The following CCDC158 variants were observed in gnomAD, a reference collection of about 807,000 sequenced individuals.
CCDC158 encodes coiled-coil domain containing 158.
A neutral mutation model predicts 138.6 loss-of-function variants in CCDC158; 116 were observed. The observed-to-expected ratio is 0.84, with a 90% CI of 0.72 to 0.98. The LOEUF is 0.98. CCDC158 is among the 50% of genes least tolerant of loss of function. CCDC158 has a pLI of 0.00. For missense variants in CCDC158, 1,265 were observed against 1,306.1 expected (o/e 0.97, Z 0.48); for synonymous variants, 436 against 442.4 (o/e 0.99, Z 0.18).
chr4:76,390,528 A>C (rs1030874992), intron 4 of CCDC158, among the ~76,000 whole-genome samples: 19 of 151,986 alleles, frequency 1.3e-4, no homozygotes, highest in Admixed American at 3.3e-4. Context: ...GAGAAAAATC[A>C]CCTTCACTAG....
chr4:76,336,652 A>G (rs1721539096), intron 18 of CCDC158, among the ~76,000 whole-genome samples: 1 of 152,168 alleles, frequency 6.6e-6, no homozygotes, highest in Non-Finnish European at 1.5e-5. Context: ...CACAGTTCTA[A>G]CACCTGGGGT....
At chr4:76,350,693 C>A (rs1237557727) in intron 18 of CCDC158, among the ~76,000 whole-genome samples, 3 of 152,100 alleles carry the variant, frequency 2.0e-5, no homozygotes, top group Admixed American at 6.6e-5. Flanking sequence ...AAATATACCA[C>A]CAACTTGCCT....
At chr4:76,361,072 C>T (rs949007615) in intron 13 of CCDC158, among the ~76,000 whole-genome samples, 5 of 152,060 alleles carry the variant, frequency 3.3e-5, no homozygotes, top group African/African-American at 4.8e-5. Context: ...AGTTCTCATG[C>T]GATCTGGTTG....
intron 9 of CCDC158, among the ~76,000 whole-genome samples, chr4:76,372,007 A>G (rs1273217426): frequency 2.0e-5 from 3 of 149,860 alleles, no homozygotes; most frequent in South Asian, 2.1e-4. Context: ...AAGAAAATCT[A>G]TGCTGAGTTT....
chr4:76,417,614 C>T (rs564090170), intron 1 of CCDC158, among the ~76,000 whole-genome samples: 1 of 152,212 alleles, frequency 6.6e-6, no homozygotes, highest in Admixed American at 6.5e-5. Context: ...TTGCCTCCCA[C>T]CATGATTCTG....
chr4:76,405,120 A>G (rs1298427795), intron 2 of CCDC158, among the ~76,000 whole-genome samples: 1 of 152,154 alleles, frequency 6.6e-6, no homozygotes, highest in Non-Finnish European at 1.5e-5. Flanking sequence ...CTTTAAAGAT[A>G]ATGAAAAAAT....
intron 23 of CCDC158, among the ~76,000 whole-genome samples, chr4:76,323,904 A>G (rs1432483858): frequency 1.3e-5 from 2 of 152,330 alleles, no homozygotes; most frequent in East Asian, 1.9e-4. Flanking sequence ...ATGGATGCCA[A>G]CATGATCACA....
intron 4 of CCDC158, among the ~76,000 whole-genome samples, chr4:76,393,758 A>G (rs1368610039): frequency 2.0e-5 from 3 of 152,164 alleles, no homozygotes; most frequent in African/African-American, 7.2e-5. Flanking sequence ...ACCAGAATAT[A>G]TAAGGAGCTC....
chr4:76,330,213 G>A lies in CCDC158; in HGVS notation c.2942+1131C>T, dbSNP rs375978015. On this transcript the variant is annotated intron_variant, in intron 21 of 24. Transcript: ENST00000682701. ...GGCAGTAAGCAGTGGTCATAAACAC[G>A]GGCTCAGGAGCCAGCTAAACCTGAG... is the stretch of plus-strand genomic sequence containing the variant. Among the ~76,000 whole-genome samples the A allele has an allele frequency of 1.3e-4, 20 of 152,062 alleles. No homozygotes were observed. The East Asian group carries it at 2.9e-3, about 22-fold the overall frequency.
At chr4:76,391,563 C>T (rs1416698375) in intron 4 of CCDC158, among the ~76,000 whole-genome samples, 2 of 151,550 alleles carry the variant, frequency 1.3e-5, no homozygotes, top group South Asian at 2.1e-4. Context: ...TATTAAGTGC[C>T]TACTTCAAAA....
intron 9 of CCDC158, 126 bp downstream of exon 9, chr4:76,379,164 C>T: frequency 2.2e-6 from 1 of 454,896 alleles, no homozygotes; most frequent in Non-Finnish European, 3.9e-6. Flanking sequence ...GCTCTTACTC[C>T]AGCTTATAAA....
At chr4:76,350,005 G>C (rs1464093669) in intron 18 of CCDC158, among the ~76,000 whole-genome samples, 3 of 152,188 alleles carry the variant, frequency 2.0e-5, no homozygotes, top group South Asian at 2.1e-4. Context: ...CTTTGTTGTT[G>C]CTTGATGTGC....
At chr4:76,336,420 C>T (rs1721514946) in intron 18 of CCDC158, among the ~76,000 whole-genome samples, 1 of 152,040 alleles carries the variant, frequency 6.6e-6, no homozygotes, top group South Asian at 2.1e-4. Context: ...GGGTATAAAA[C>T]CACAAAAATA....
Position 76,396,478 on chromosome 4 carries a change from T to C in CCDC158, c.79A>G (p.Ser27Gly), listed in dbSNP as rs1005114361. 3.8e-6 allele frequency: 6 copies of C among 1,599,524 alleles called. No individual in the cohort carries two copies. The highest frequency in any genetic ancestry group is 2.2e-5 in the East Asian group (1 of 44,788). Residue 27 changes from serine to glycine, a missense_variant, in exon 4 of 25, where the codon AGT (serine) becomes GGT (glycine). Physicochemically the swap from Ser to Gly is moderately conservative, Grantham distance 56. Transcript: ENST00000682701. ...CGAATAGATGACACAAAAAATGAAC[T>C]TGAAGAACCTAAATATTAAAGAATT... ...SGVTSNGGSSSSFFVSSIRGT... is the reference protein window; with the variant it reads ...SGVTSNGGSSGSFFVSSIRGT...
intron 3 of CCDC158, among the ~76,000 whole-genome samples, chr4:76,399,590 A>G (rs28368351): frequency 0.029 from 4,457 of 152,288 alleles, 219 homozygotes; most frequent in African/African-American, 0.1. Flanking sequence ...CTGTAAGATA[A>G]TAGCTTGTAG....
At chr4:76,330,946 C>T (rs1720952365) in intron 21 of CCDC158, among the ~76,000 whole-genome samples, 1 of 152,132 alleles carries the variant, frequency 6.6e-6, no homozygotes, top group Non-Finnish European at 1.5e-5. Flanking sequence ...ATACTATCTT[C>T]ATCCATTCAC....
chr4:76,403,177 C>T lies in CCDC158; in HGVS notation c.31G>A (p.Glu11Lys), dbSNP rs1272046594. Residue 11 changes from glutamate to lysine, a missense_variant, in exon 3 of 25, where the codon GAA (glutamate) becomes AAA (lysine). Physicochemically the swap from Glu to Lys is moderately conservative, Grantham distance 56. Coordinates refer to ENST00000682701, the MANE Select transcript of CCDC158 (RefSeq NM_001394954.1). The part of the protein sequence containing the change: MESKAWESNN[E>K]DLLSSSGVTS... Reference sequence around the variant, plus strand: ...ACACCACTACTTGATAAAAGATCTTCATTATTTGATTCCCAAGCTTTTGAT... The same window carrying T: ...ACACCACTACTTGATAAAAGATCTTTATTATTTGATTCCCAAGCTTTTGAT... 6.2e-7 allele frequency: 1 copy of T among 1,606,998 alleles called. No individual in the cohort carries two copies. Among genetic ancestry groups the T allele is most frequent in the African/African-American group, 1.3e-5 (1 of 74,642 alleles).
chr4:76,344,233 A>G (rs1237148422), intron 18 of CCDC158, among the ~76,000 whole-genome samples: 2 of 152,244 alleles, frequency 1.3e-5, no homozygotes, highest in Non-Finnish European at 2.9e-5. Flanking sequence ...GAGCCAAATC[A>G]TGAGTGAACT....
intron 24 of CCDC158, among the ~76,000 whole-genome samples, chr4:76,321,287 G>T (rs1202559285): frequency 2.6e-5 from 4 of 152,074 alleles, no homozygotes; most frequent in Admixed American, 2.6e-4. Flanking sequence ...ACAGATGTTG[G>T]TGTGGATGTG....
Sources: gnomAD v4.1 joint callset for allele counts (sites outside exome capture counted in the v4.1 genomes callset) on GRCh38, gnomAD v4.1.1 for gene constraint, MANE v1.5 for transcripts, NCBI Gene and HGNC (gene_info 2026-07-23, HGNC 2026-07-21) for gene names.